The following MVB12B variants were observed in gnomAD, a reference collection of about 807,000 sequenced individuals.
MVB12B encodes the protein ESCRT-I complex subunit MVB12B.
MVB12B carries 16 observed loss-of-function variants against 41.6 expected under a neutral mutation model. The observed-to-expected ratio is 0.38, with a 90% CI of 0.26 to 0.58. MVB12B has a LOEUF of 0.58. MVB12B is among the 20% of genes least tolerant of loss of function. The probability of loss-of-function intolerance (pLI) is 0.62; values close to 1 mark genes in which losing one functional copy is unlikely to be tolerated. For missense variants in MVB12B, 274 were observed against 380.2 expected (o/e 0.72, Z 2.32); for synonymous variants, 133 against 139.7 (o/e 0.95, Z 0.34).
intron 2 of MVB12B, among the ~76,000 whole-genome samples, chr9:126,359,066 T>A (rs558435889): frequency 1.3e-5 from 2 of 152,208 alleles, no homozygotes; most frequent in African/African-American, 4.8e-5. Flanking sequence ...TTTTAATTTT[T>A]TTTTTTTTTA....
intron 4 of MVB12B, among the ~76,000 whole-genome samples, chr9:126,388,499 T>G (rs1830861763): frequency 6.6e-6 from 1 of 152,156 alleles, no homozygotes; most frequent in Admixed American, 6.5e-5. Context: ...CTATGAACAT[T>G]CATGTACAAG....
chr9:126,430,163 G>T (rs549020052), intron 7 of MVB12B, among the ~76,000 whole-genome samples: 1 of 152,206 alleles, frequency 6.6e-6, no homozygotes, highest in South Asian at 2.1e-4. Context: ...TCTCTCCAAA[G>T]ACCTCCTTGG....
intron 9 of MVB12B, among the ~76,000 whole-genome samples, chr9:126,493,072 T>C (rs1231843150): frequency 6.6e-6 from 1 of 152,214 alleles, no homozygotes; most frequent in Non-Finnish European, 1.5e-5. Context: ...TTTCAGCTTG[T>C]AAATGATGTG....
rs1183764247 is a variant in MVB12B, at chr9:126,389,663, C to T, written c.410-2403C>T. Among the ~76,000 whole-genome samples the T allele has an allele frequency of 6.6e-6, 1 of 152,134 alleles. No homozygotes were observed. Among genetic ancestry groups the T allele is most frequent in the Admixed American group, 6.5e-5 (1 of 15,282 alleles). ...TTTTCTTTGTGTAAAGGTCTCTCTT[C>T]TTCGTGCTTTCTAAGGCCGATCTGA... is the stretch of plus-strand genomic sequence containing the variant. On this transcript the variant is annotated intron_variant, in intron 4 of 9. Coordinates refer to ENST00000361171, the MANE Select transcript of MVB12B (RefSeq NM_033446.3). The surrounding 1 kb of genome is among the most constrained non-coding windows in gnomAD (Gnocchi z 4.4).
chr9:126,491,589 G>T (rs1265365867), intron 9 of MVB12B, among the ~76,000 whole-genome samples: 1 of 152,086 alleles, frequency 6.6e-6, no homozygotes, highest in Admixed American at 6.5e-5. Flanking sequence ...TTATTTTTCT[G>T]TTAGAAAGCT....
intron 5 of MVB12B, among the ~76,000 whole-genome samples, chr9:126,393,234 G>A (rs1831009671): frequency 1.3e-5 from 2 of 152,240 alleles, no homozygotes; most frequent in African/African-American, 4.8e-5. Flanking sequence ...GCATCACAGA[G>A]GAGTTGGGGA....
At chr9:126,350,885 A>G (rs554234053) in intron 2 of MVB12B, among the ~76,000 whole-genome samples, 2 of 152,318 alleles carry the variant, frequency 1.3e-5, no homozygotes, top group East Asian at 3.9e-4. Flanking sequence ...TTATTTGTCC[A>G]TATAATCTTA....
chr9:126,427,148 C>T (rs1310169147), intron 7 of MVB12B, among the ~76,000 whole-genome samples: 1 of 152,056 alleles, frequency 6.6e-6, no homozygotes, highest in Non-Finnish European at 1.5e-5. Flanking sequence ...ATGCTGTAAA[C>T]AATGTAACAA....
chr9:126,383,821 C>T (rs1211244282), intron 3 of MVB12B, among the ~76,000 whole-genome samples: 2 of 151,912 alleles, frequency 1.3e-5, no homozygotes, highest in African/African-American at 2.4e-5. Flanking sequence ...ACAGTGCAGC[C>T]TCCCATTTTG....
Position 126,415,117 on chromosome 9 carries a change from A to G in MVB12B, c.663-6737A>G, listed in dbSNP as rs369345041. 3.2e-4 allele frequency among the ~76,000 whole-genome samples: 49 copies of G among 152,216 alleles called. No homozygotes were observed. The East Asian group carries it at 9.3e-3, about 29-fold the overall frequency. On this transcript the variant is annotated intron_variant, in intron 6 of 9. Transcript: ENST00000361171. ...GAGCTGCAGAAGAGGTGAGTGTCCA[A>G]TGCCAGTGGCCTAGTGCAGCTCCTG...
chr9:126,384,750 A>G (rs1180343155), intron 3 of MVB12B, among the ~76,000 whole-genome samples: 2 of 150,226 alleles, frequency 1.3e-5, no homozygotes, highest in Non-Finnish European at 3.0e-5. Context: ...CCAGGCTGGT[A>G]TCAATCTCCT....
At chr9:126,332,399 A>C (rs778181192) in intron 1 of MVB12B, among the ~76,000 whole-genome samples, 1 of 152,190 alleles carries the variant, frequency 6.6e-6, no homozygotes, top group Non-Finnish European at 1.5e-5. Flanking sequence ...GAACCTGAGG[A>C]TAGGGAATGG....
At chr9:126,409,328 TG>T (rs1831552593) in intron 6 of MVB12B, among the ~76,000 whole-genome samples, 1 of 151,398 alleles carries the variant, frequency 6.6e-6, no homozygotes, top group African/African-American at 2.4e-5. Context: ...TGTGTGTGTG[TG>T]TGTGTGTGTG....
chr9:126,492,253 A>G, intron 9 of MVB12B, among the ~76,000 whole-genome samples: 1 of 149,730 alleles, frequency 6.7e-6, no homozygotes, highest in East Asian at 2.0e-4. Context: ...TAATGACTAT[A>G]TGTTGTTCCC....
intron 7 of MVB12B, among the ~76,000 whole-genome samples, chr9:126,442,533 T>C (rs924975916): frequency 2.0e-5 from 3 of 152,198 alleles, no homozygotes; most frequent in Admixed American, 6.5e-5. Context: ...ACAGTTTCAC[T>C]GTTTTGTAAA....
intron 7 of MVB12B, chr9:126,426,821 G>T (rs964076841): frequency 6.6e-6 from 1 of 152,382 alleles, no homozygotes; most frequent in Non-Finnish European, 1.5e-5. Flanking sequence ...CAAGCTAGTT[G>T]CTTGGGAAGA....
chr9:126,478,599 G>A lies in MVB12B; in HGVS notation c.758-2770G>A, dbSNP rs549366898. On this transcript the variant is annotated intron_variant, in intron 7 of 9. Coordinates refer to ENST00000361171, the MANE Select transcript of MVB12B (RefSeq NM_033446.3). This position sits in a 1 kb window ranked among gnomAD's most constrained non-coding sequence, Gnocchi z 4.2. ...GAGGGAGGGAAGGGATGGGTAAGCC[G>A]GGAAGAGGGTCAGGTGCAAGGGGCC... 1.3e-5 allele frequency among the ~76,000 whole-genome samples: 2 copies of A among 152,300 alleles called. No individual in the cohort carries two copies. The highest frequency in any genetic ancestry group is 3.9e-4 in the East Asian group (2 of 5,174).
Position 126,392,199 on chromosome 9 carries a change from A to T in MVB12B, c.539+4A>T. ...CGCCTCAGTACACGTTTATTGGGTG[A>T]GTCTTAATAACAGGACTGTCAGCTG... On this transcript the variant is annotated splice_donor_region_variant and intron_variant, in intron 5 of 9. Coordinates refer to ENST00000361171, the MANE Select transcript of MVB12B (RefSeq NM_033446.3). The surrounding 1 kb of genome is among the most constrained non-coding windows in gnomAD (Gnocchi z 4.8). The T allele has an allele frequency of 6.2e-7, 1 of 1,614,056 alleles. No individual in the cohort carries two copies. The highest frequency in any genetic ancestry group is 8.5e-7 in the Non-Finnish European group (1 of 1,179,960).
chr9:126,481,348 T>C (rs1161240296), intron 7 of MVB12B, 21 bp from the exon 8 acceptor site: 8 of 1,581,648 alleles, frequency 5.1e-6, no homozygotes, highest in Non-Finnish European at 6.9e-6. Flanking sequence ...TAATGCCATC[T>C]TTTTTTTTCT....
Sources: allele counts gnomAD v4.1 joint callset (sites outside exome capture counted in the v4.1 genomes callset), GRCh38; gene constraint gnomAD v4.1.1; non-coding constraint Gnocchi (gnomAD v3.1); transcripts MANE v1.5; gene names NCBI Gene and HGNC (gene_info 2026-07-23, HGNC 2026-07-21).